Variants in DOCK3 observed in about 807,000 individuals in gnomAD.
DOCK3 encodes the protein dedicator of cytokinesis 3, also known as dedicator of cytokinesis protein 3.
Under a neutral mutation model 265.6 loss-of-function variants are expected in DOCK3, and 60 were observed. That is an observed-to-expected ratio of 0.23 (90% CI 0.18 to 0.28). The LOEUF (loss-of-function observed/expected upper bound fraction) is 0.28, where lower values mean the gene tolerates loss of function less well. DOCK3 is among the 10% of genes least tolerant of loss of function. The pLI is 1.00. For missense variants in DOCK3, 1,981 were observed against 2,594.3 expected (o/e 0.76, Z 5.14); for synonymous variants, 881 against 938.0 (o/e 0.94, Z 1.11).
In DOCK3 at chr3:51,271,069, G is replaced by T. The variant is rs1042740098; in HGVS notation, c.2548+62G>T. On this transcript the variant is annotated intron_variant, in intron 24 of 52. Coordinates refer to ENST00000266037, the MANE Select transcript of DOCK3 (RefSeq NM_004947.5). The stretch of plus-strand genomic sequence containing the variant: ...AGGGGTGTCCTCCTTCCTTCCAGGG[G>T]TGATAGCAAAGTGATAATCAAAGGA... 1.2e-5 allele frequency: 18 copies of T among 1,512,150 alleles called. No homozygotes were observed. The African/African-American group carries it at 1.7e-4, about 14-fold the overall frequency. The allele number at this position is 1,512,150 out of a possible 1,614,324, so 93.7% of individuals were successfully genotyped here. A position where few individuals can be genotyped will look rare whatever the true frequency, so the allele number is the denominator to read the frequency against.
rs771717398 is a variant in DOCK3, at chr3:50,934,001, C to T, written c.239C>T (p.Pro80Leu). The T allele has an allele frequency of 3.7e-6, 6 of 1,606,398 alleles. No homozygotes were observed. The African/African-American group carries it at 5.3e-5, about 14-fold the overall frequency. ...TCTAGGCAGTATGAAACTGTGGTTC[C>T]ACTTGAAGATTCTATTGTGACTGAG... ...SNRGQYETVV[P>L]LEDSIVTEVT... is the part of the protein sequence containing the mutation. The change falls in exon 5 of 53, where the codon CCA (proline) becomes CTA (leucine). Residue 80 changes from proline (P) to leucine (L), a missense_variant. Around this residue, in one of 4 missense-constraint regions of DOCK3, gnomAD observed 456 missense variants for 539.0 expected, o/e 0.85. Transcript: ENST00000266037.
At chr3:50,686,711 C>G (rs1179884772) in intron 1 of DOCK3, among the ~76,000 whole-genome samples, 1 of 152,062 alleles carries the variant, frequency 6.6e-6, no homozygotes, top group Non-Finnish European at 1.5e-5. Flanking sequence ...GAGTTTGAGA[C>G]TAGCCTGGCC....
chr3:51,153,240 G>A (rs1261551164), intron 10 of DOCK3, among the ~76,000 whole-genome samples: 1 of 152,188 alleles, frequency 6.6e-6, no homozygotes, highest in Non-Finnish European at 1.5e-5. Context: ...CTGCTGCCTC[G>A]CAGGTCGATC....
intron 10 of DOCK3, among the ~76,000 whole-genome samples, chr3:51,152,358 C>G (rs2085643110): frequency 6.6e-6 from 1 of 152,154 alleles, no homozygotes; most frequent in Non-Finnish European, 1.5e-5. Context: ...CATTTAAGGT[C>G]TTCTCTACAC....
intron 4 of DOCK3, among the ~76,000 whole-genome samples, chr3:50,922,289 G>A (rs2050520523): frequency 6.6e-6 from 1 of 152,198 alleles, no homozygotes; most frequent in Admixed American, 6.5e-5. Context: ...CTGCCTCCTT[G>A]CAGTTTGATC....
chr3:51,235,213 A>T (rs2078302596), intron 19 of DOCK3, among the ~76,000 whole-genome samples: 1 of 152,238 alleles, frequency 6.6e-6, no homozygotes, highest in African/African-American at 2.4e-5. Flanking sequence ...TATCATAAAA[A>T]TTTTTTAACT....
At chr3:50,712,175 T>C (rs1183517997) in intron 1 of DOCK3, among the ~76,000 whole-genome samples, 4 of 152,176 alleles carry the variant, frequency 2.6e-5, no homozygotes. Flanking sequence ...CCTTAATCAT[T>C]GTCATTTTTT....
intron 32 of DOCK3, among the ~76,000 whole-genome samples, chr3:51,320,770 C>G (rs1444896717): frequency 6.6e-6 from 1 of 152,200 alleles, no homozygotes; most frequent in Non-Finnish European, 1.5e-5. Flanking sequence ...CAGAATGCCT[C>G]TCTAGATTCC....
intron 22 of DOCK3, among the ~76,000 whole-genome samples, chr3:51,258,558 C>T (rs1419716791): frequency 2.6e-5 from 4 of 151,990 alleles, no homozygotes; most frequent in African/African-American, 7.3e-5. Context: ...GGCTGGAGTG[C>T]GGTGGCGTGA....
chr3:51,004,999 T>C (rs1301893194), intron 5 of DOCK3, among the ~76,000 whole-genome samples: 1 of 151,364 alleles, frequency 6.6e-6, no homozygotes, highest in Non-Finnish European at 1.5e-5. Flanking sequence ...AGTCTTATTA[T>C]TTCTTGATTT....
chr3:50,922,707 G>A (rs932924307), intron 4 of DOCK3, among the ~76,000 whole-genome samples: 1 of 149,990 alleles, frequency 6.7e-6, no homozygotes, highest in Non-Finnish European at 1.5e-5. Flanking sequence ...TTTGTTTTTT[G>A]TTCTTGTCAA....
intron 5 of DOCK3, among the ~76,000 whole-genome samples, chr3:50,989,551 T>G (rs1176922438): frequency 6.6e-6 from 1 of 152,128 alleles, no homozygotes; most frequent in Admixed American, 6.5e-5. Context: ...AATACCTCTC[T>G]TACATACCCA....
intron 2 of DOCK3, among the ~76,000 whole-genome samples, chr3:50,794,616 G>T (rs921769252): frequency 1.3e-5 from 2 of 152,114 alleles, no homozygotes; most frequent in Non-Finnish European, 2.9e-5. Context: ...TTTCAAGTCT[G>T]TGGGTGTTTG....
At chr3:51,046,865 A>T (rs1393314147) in intron 5 of DOCK3, among the ~76,000 whole-genome samples, 1 of 152,184 alleles carries the variant, frequency 6.6e-6, no homozygotes, top group African/African-American at 2.4e-5. Flanking sequence ...CACTTTAAAT[A>T]TATTTTCTAA....
chr3:50,963,596 A>G (rs969638003), intron 5 of DOCK3, among the ~76,000 whole-genome samples: 4 of 152,240 alleles, frequency 2.6e-5, no homozygotes, highest in Non-Finnish European at 4.4e-5. Flanking sequence ...CAGACAGTAT[A>G]TATACCTTCC....
At chr3:50,730,593 C>T (rs1362037788) in intron 1 of DOCK3, among the ~76,000 whole-genome samples, 1 of 151,156 alleles carries the variant, frequency 6.6e-6, no homozygotes, top group Non-Finnish European at 1.5e-5. Flanking sequence ...TTTGGGAGGT[C>T]GAGGTGGGAG....
intron 23 of DOCK3, among the ~76,000 whole-genome samples, chr3:51,262,150 C>T (rs1299180099): frequency 6.6e-6 from 1 of 152,198 alleles, no homozygotes; most frequent in Non-Finnish European, 1.5e-5. Flanking sequence ...ATGACAGACG[C>T]CTCATACGGG....
chr3:50,687,580 T>C (rs775473244), intron 1 of DOCK3, among the ~76,000 whole-genome samples: 5 of 152,184 alleles, frequency 3.3e-5, no homozygotes, highest in Non-Finnish European at 5.9e-5. Flanking sequence ...GCTGTGCAAA[T>C]AGAATGAGCT....
chr3:50,914,050 C>CTTATTTTATT (rs57972779), intron 4 of DOCK3, among the ~76,000 whole-genome samples: 56 of 150,678 alleles, frequency 3.7e-4, no homozygotes, highest in South Asian at 6.3e-4. Flanking sequence ...TATTGTCTCT[C>CTTATTTTATT]TTATTTTATT....
Sources: gnomAD v4.1 joint callset for allele counts (sites outside exome capture counted in the v4.1 genomes callset) on GRCh38, gnomAD v4.1.1 for gene constraint, gnomAD v4.1.1 regional missense constraint, MANE v1.5 for transcripts, NCBI Gene and HGNC (gene_info 2026-07-23, HGNC 2026-07-21) for gene names.